SLC8A1: variants seen among roughly 807,000 people sequenced by gnomAD.
SLC8A1 encodes the protein solute carrier family 8 member A1.
Under a neutral mutation model 68.3 loss-of-function variants are expected in SLC8A1, and 18 were observed. The ratio of observed to expected loss-of-function variants is 0.26; its 90% CI spans 0.18 to 0.39. The LOEUF is 0.39. Among genes scored for constraint, SLC8A1 ranks in the 10% least tolerant of loss-of-function variants. SLC8A1 has a pLI of 1.00. For missense variants in SLC8A1, 985 were observed against 1,156.7 expected (o/e 0.85, Z 2.15); for synonymous variants, 475 against 415.5 (o/e 1.14, Z -1.74).
At chr2:40,384,062 A>G (rs988550592) in intron 2 of SLC8A1, among the ~76,000 whole-genome samples, 1 of 151,826 alleles carries the variant, frequency 6.6e-6, no homozygotes, top group Non-Finnish European at 1.5e-5. Context: ...GGAGTTTTAC[A>G]CCAGCCAAGA....
At chr2:40,177,806 A>G in exon 3 of SLC8A1, 1 of 1,551,332 alleles carries the variant, frequency 6.4e-7, no homozygotes, top group Non-Finnish European at 8.7e-7. Context: ...GAGAAACTGC[A>G]CTCTTTCTCA....
intron 2 of SLC8A1, among the ~76,000 whole-genome samples, chr2:40,295,336 C>G (rs2070163216): frequency 6.6e-6 from 1 of 152,088 alleles, no homozygotes; most frequent in Non-Finnish European, 1.5e-5. Flanking sequence ...CTCCTGGGCT[C>G]AACAGATCCT....
chr2:40,489,765 T>A (rs1402571186), intron 1 of SLC8A1, among the ~76,000 whole-genome samples: 2 of 151,980 alleles, frequency 1.3e-5, no homozygotes, highest in African/African-American at 4.8e-5. Context: ...AGTGGCTTCT[T>A]GACCACATTC....
At chr2:40,452,508 C>A (rs1335787739), upstream of SLC8A1, among the ~76,000 whole-genome samples, 1 of 152,148 alleles carries the variant, frequency 6.6e-6, no homozygotes, top group Non-Finnish European at 1.5e-5. Context: ...TCTTTTGAAC[C>A]CTCTTCTTCT....
At chr2:40,126,741 A>T (rs2038192408) in intron 7 of SLC8A1, among the ~76,000 whole-genome samples, 1 of 152,088 alleles carries the variant, frequency 6.6e-6, no homozygotes, top group African/African-American at 2.4e-5. Context: ...TCTCCATTCT[A>T]TGGCTCCATG....
intron 1 of SLC8A1, among the ~76,000 whole-genome samples, chr2:40,438,141 G>C (rs1174211334): frequency 1.3e-5 from 2 of 152,128 alleles, no homozygotes; most frequent in Non-Finnish European, 2.9e-5. Context: ...AGCTCCCAGA[G>C]GCAGAGCCTT....
chr2:40,463,370 C>G (rs1204349483), intron 1 of SLC8A1, among the ~76,000 whole-genome samples: 1 of 152,148 alleles, frequency 6.6e-6, no homozygotes, highest in Non-Finnish European at 1.5e-5. Context: ...AAGCATAGTA[C>G]GTGTTGAACT....
intron 2 of SLC8A1, among the ~76,000 whole-genome samples, chr2:40,356,795 C>A (rs1464239593): frequency 6.6e-6 from 1 of 152,146 alleles, no homozygotes; most frequent in Admixed American, 6.6e-5. Flanking sequence ...CTGCAGCTTC[C>A]ACATGCCTTG....
chr2:40,379,571 C>A (rs936829274), intron 2 of SLC8A1, among the ~76,000 whole-genome samples: 1 of 152,036 alleles, frequency 6.6e-6, no homozygotes, highest in Non-Finnish European at 1.5e-5. Flanking sequence ...CTGTCCTTAG[C>A]TTGACTATGT....
intron 1 of SLC8A1, among the ~76,000 whole-genome samples, chr2:40,464,470 T>G (rs189671061): frequency 6.6e-6 from 1 of 152,298 alleles, no homozygotes; most frequent in African/African-American, 2.4e-5. Flanking sequence ...AGAGGACCCA[T>G]TTGTTTCTCC....
intron 2 of SLC8A1, among the ~76,000 whole-genome samples, chr2:40,389,167 T>G (rs1684517781): frequency 6.6e-6 from 1 of 152,138 alleles, no homozygotes; most frequent in African/African-American, 2.4e-5. Flanking sequence ...TATTTCAAAG[T>G]TGATCCTATT....
intron 1 of SLC8A1, among the ~76,000 whole-genome samples, chr2:40,481,667 A>T (rs553525294): frequency 5.3e-5 from 8 of 152,286 alleles, no homozygotes; most frequent in Non-Finnish European, 1.0e-4. Context: ...GTGGAATCAT[A>T]ATTTTTTATT....
At chr2:40,182,963 T>A (rs1267346710) in intron 2 of SLC8A1, among the ~76,000 whole-genome samples, 6 of 152,294 alleles carry the variant, frequency 3.9e-5, no homozygotes, top group Admixed American at 6.5e-5. Context: ...ACACAAAAGA[T>A]TTTAGTGAGG....
chr2:40,426,273 A>G (rs1042198794), intron 2 of SLC8A1, among the ~76,000 whole-genome samples: 3 of 152,078 alleles, frequency 2.0e-5, no homozygotes, highest in African/African-American at 7.2e-5. Flanking sequence ...ATAGAGCAAG[A>G]AACTTGCGAT....
intron 2 of SLC8A1, among the ~76,000 whole-genome samples, chr2:40,270,035 T>C (rs1208812889): frequency 6.6e-6 from 1 of 152,196 alleles, no homozygotes; most frequent in East Asian, 1.9e-4. Flanking sequence ...AGTGGGCAAC[T>C]GTACAAAATT....
At chr2:40,436,538 G>T (rs573248519) in intron 1 of SLC8A1, among the ~76,000 whole-genome samples, 1 of 152,024 alleles carries the variant, frequency 6.6e-6, no homozygotes, top group Admixed American at 6.6e-5. Flanking sequence ...CCACAACCTG[G>T]GTGTGTGTCT....
intron 2 of SLC8A1, among the ~76,000 whole-genome samples, chr2:40,280,165 T>C (rs1281822285): frequency 6.7e-6 from 1 of 149,062 alleles, no homozygotes; most frequent in Non-Finnish European, 1.5e-5. Context: ...ATATTGATAG[T>C]GTAAACCTGA....
intron 6 of SLC8A1, among the ~76,000 whole-genome samples, chr2:40,150,530 G>A (rs1344310473): frequency 6.6e-6 from 1 of 152,134 alleles, no homozygotes; most frequent in African/African-American, 2.4e-5. Flanking sequence ...TATTCACATT[G>A]CAGCAGCCCA....
intron 2 of SLC8A1, among the ~76,000 whole-genome samples, chr2:40,212,805 C>G (rs562750932): frequency 6.6e-6 from 1 of 152,284 alleles, no homozygotes; most frequent in South Asian, 2.1e-4. Context: ...ACTCAGAGTT[C>G]CTGTTTGTGC....
Sources: gnomAD v4.1 joint callset for allele counts (sites outside exome capture counted in the v4.1 genomes callset) on GRCh38, gnomAD v4.1.1 for gene constraint, MANE v1.5 for transcripts, NCBI Gene and HGNC (gene_info 2026-07-23, HGNC 2026-07-21) for gene names.